The following GPD2 variants were observed in gnomAD, a reference collection of about 807,000 sequenced individuals.
GPD2 encodes glycerol-3-phosphate dehydrogenase 2.
In GPD2, 54 loss-of-function variants were observed where a neutral mutation model predicts 82.4. That is an observed-to-expected ratio of 0.66 (90% CI 0.53 to 0.82). The LOEUF (loss-of-function observed/expected upper bound fraction) is 0.82. GPD2 is among the 40% of genes least tolerant of loss of function. The pLI is 0.00. For missense variants in GPD2, 748 were observed against 896.2 expected, an observed-to-expected ratio of 0.83 and a Z score of 2.11; for synonymous variants, 288 against 306.1, an observed-to-expected ratio of 0.94 and a Z score of 0.62.
intron 1 of GPD2, 24 bp from the exon 2 acceptor site, chr2:156,476,074 T>C: frequency 1.6e-6 from 2 of 1,241,712 alleles, no homozygotes; most frequent in Admixed American, 3.4e-5. Context: ...TTAACTTCTT[T>C]TTGTTTCTTA....
At chr2:156,492,035 A>G (rs1214984464) in intron 2 of GPD2, among the ~76,000 whole-genome samples, 5 of 149,058 alleles carry the variant, frequency 3.4e-5, no homozygotes, top group Non-Finnish European at 7.4e-5. Context: ...AAAAAAAAAG[A>G]CACTCCCAAA....
chr2:156,515,436 T>A (rs561797319), intron 6 of GPD2, among the ~76,000 whole-genome samples: 2 of 152,088 alleles, frequency 1.3e-5, no homozygotes, highest in African/African-American at 4.8e-5. Context: ...ATTTGTGACA[T>A]CCTGTTTTAC....
chr2:156,578,006 G>A (rs1687886453), intron 13 of GPD2, among the ~76,000 whole-genome samples: 1 of 152,134 alleles, frequency 6.6e-6, no homozygotes, highest in Non-Finnish European at 1.5e-5. Context: ...CAGTTGAGAA[G>A]TATATGTGTG....
chr2:156,474,883 A>G (rs1054790155), intron 1 of GPD2, among the ~76,000 whole-genome samples: 9 of 151,970 alleles, frequency 5.9e-5, no homozygotes, highest in Middle Eastern at 3.4e-3. Flanking sequence ...TGGGAAGCCA[A>G]GGTAGGAGAT....
intron 3 of GPD2, among the ~76,000 whole-genome samples, chr2:156,506,662 T>G (rs941314950): frequency 1.3e-5 from 2 of 151,968 alleles, no homozygotes; most frequent in African/African-American, 4.8e-5. Context: ...CAATACCATC[T>G]CTGCCTTCTG....
intron 2 of GPD2, among the ~76,000 whole-genome samples, chr2:156,483,843 T>G (rs887529891): frequency 1.3e-5 from 2 of 152,200 alleles, no homozygotes; most frequent in Non-Finnish European, 2.9e-5. Flanking sequence ...CCTTAACATT[T>G]TCGATCATTT....
chr2:156,535,969 C>T (rs938094598), intron 6 of GPD2, among the ~76,000 whole-genome samples: 1 of 152,208 alleles, frequency 6.6e-6, no homozygotes, highest in African/African-American at 2.4e-5. Flanking sequence ...AGGCTTAGCT[C>T]TCCTCACCAA....
At chr2:156,522,459 G>T (rs2105289944) in intron 6 of GPD2, among the ~76,000 whole-genome samples, 1 of 152,220 alleles carries the variant, frequency 6.6e-6, no homozygotes, top group South Asian at 2.1e-4. Flanking sequence ...CCATTCTGTG[G>T]TTCAGTTGAC....
rs962697865 is a variant in GPD2 at position 156,530,642 on chromosome 2, C to T, written c.661+17146C>T. Among the ~76,000 whole-genome samples, 4 of 151,812 alleles carry T rather than the reference C, an allele frequency of 2.6e-5. No individual in the cohort carries two copies. In the East Asian group the frequency reaches 5.9e-4, roughly 22 times the overall value. On this transcript the variant is annotated intron_variant, in intron 6 of 16. Transcript: ENST00000438166. ...TTTATTGAGAGTTTTTAGCATGAAG[C>T]GTTGTTGAATTTTGTCAAAGGCCTT... is the stretch of plus-strand genomic sequence containing the variant.
rs1553471067 is a variant in GPD2, at chr2:156,509,784, T to TTTTTA, written c.275-1012_275-1011insTTTTA. On this transcript the variant is annotated intron_variant, in intron 3 of 16. Coordinates refer to ENST00000438166, the MANE Select transcript of GPD2 (RefSeq NM_000408.5). ...GTTCTTCTTTTTTTTTTTTTTTTTT[T>TTTTTA]ATTTCCTGAGATGGAGTCTCACCCT... 2.4e-3 allele frequency among the ~76,000 whole-genome samples: 358 copies of TTTTTA among 146,866 alleles called. 4 individuals are homozygous for TTTTTA. Among genetic ancestry groups the TTTTTA allele is most frequent in the African/African-American group, 8.4e-3 (327 of 38,812 alleles).
intron 6 of GPD2, among the ~76,000 whole-genome samples, chr2:156,543,766 C>G (rs1686418375): frequency 6.6e-6 from 1 of 152,132 alleles, no homozygotes; most frequent in Non-Finnish European, 1.5e-5. Flanking sequence ...GCACTGCGGT[C>G]AGTCTGGAAA....
At chr2:156,433,017 CT>C (rs1463237101), upstream of GPD2, among the ~76,000 whole-genome samples, 9 of 152,136 alleles carry the variant, frequency 5.9e-5, no homozygotes, top group Admixed American at 5.9e-4. Context: ...GTGCTCCTGA[CT>C]TTTCTCAGGA....
chr2:156,475,402 C>G (rs1428387693), intron 1 of GPD2, among the ~76,000 whole-genome samples: 1 of 152,034 alleles, frequency 6.6e-6, no homozygotes. Context: ...GATCTCGGCT[C>G]ACTGCAACCT....
intron 1 of GPD2, among the ~76,000 whole-genome samples, chr2:156,441,007 C>G (rs1682148062): frequency 2.0e-5 from 3 of 152,172 alleles, no homozygotes; most frequent in Admixed American, 2.0e-4. Flanking sequence ...CACTCCAGAC[C>G]TCCGGGGAGA....
intron 6 of GPD2, among the ~76,000 whole-genome samples, chr2:156,514,617 A>G (rs1446299820): frequency 6.6e-6 from 1 of 152,064 alleles, no homozygotes; most frequent in Non-Finnish European, 1.5e-5. Context: ...TTCATATATA[A>G]ATGCAAAAAG....
chr2:156,582,484 T>TGTAA (rs1553480966), intron 16 of GPD2, among the ~76,000 whole-genome samples: 1 of 136,580 alleles, frequency 7.3e-6, no homozygotes, highest in East Asian at 2.1e-4. Context: ...TTGAAGTTGC[T>TGTAA]AAAAAAAAAA....
At chr2:156,404,225 T>TA in the GPD2 span, among the ~76,000 whole-genome samples, 1 of 150,588 alleles carries the variant, frequency 6.6e-6, no homozygotes, top group Non-Finnish European at 1.5e-5. Flanking sequence ...AATTAAAAAT[T>TA]AAAAAAAAAT....
chr2:156,524,558 G>A (rs1685535890), intron 6 of GPD2, among the ~76,000 whole-genome samples: 1 of 152,084 alleles, frequency 6.6e-6, no homozygotes, highest in Non-Finnish European at 1.5e-5. Context: ...TTTTTCACAG[G>A]GTACAGACTT....
chr2:156,431,579 A>G (rs1688317310), upstream of GPD2, among the ~76,000 whole-genome samples: 1 of 152,112 alleles, frequency 6.6e-6, no homozygotes, highest in Non-Finnish European at 1.5e-5. Context: ...CCATGAAAGT[A>G]TCTTAATAAT....
Sources: gnomAD v4.1 joint callset for allele counts (sites outside exome capture counted in the v4.1 genomes callset) on GRCh38, gnomAD v4.1.1 for gene constraint, MANE v1.5 for transcripts, NCBI Gene and HGNC (gene_info 2026-07-23, HGNC 2026-07-21) for gene names.